Variants in DNER observed in about 807,000 individuals in gnomAD.
DNER encodes the protein delta and Notch-like epidermal growth factor-related receptor.
DNER carries 33 observed loss-of-function variants against 78.2 expected under a neutral mutation model. The ratio of observed to expected loss-of-function variants is 0.42; its 90% CI spans 0.32 to 0.56. The LOEUF (loss-of-function observed/expected upper bound fraction) is 0.56. DNER is among the 20% of genes least tolerant of loss of function. The pLI, the probability that DNER is intolerant of heterozygous loss-of-function variation, is 0.11. For missense variants in DNER, 918 were observed against 975.3 expected (o/e 0.94, Z 0.78); for synonymous variants, 417 against 384.8 (o/e 1.08, Z -0.98).
intron 8 of DNER, among the ~76,000 whole-genome samples, chr2:229,437,172 G>A (rs1044949036): frequency 7.9e-5 from 12 of 152,192 alleles, no homozygotes; most frequent in Admixed American, 3.3e-4. Flanking sequence ...AGAGAGCATT[G>A]AGGCACTGCA....
At chr2:229,565,761 C>T (rs1162881764) in intron 4 of DNER, among the ~76,000 whole-genome samples, 1 of 152,098 alleles carries the variant, frequency 6.6e-6, no homozygotes, top group African/African-American at 2.4e-5. Flanking sequence ...TTCTGAATAC[C>T]CATTGGTAGA....
chr2:229,638,749 A>T (rs1305675715), intron 1 of DNER, among the ~76,000 whole-genome samples: 1 of 152,256 alleles, frequency 6.6e-6, no homozygotes, highest in Non-Finnish European at 1.5e-5. Context: ...CAAAATAAAA[A>T]TATTACTTAG....
At chr2:229,698,602 T>A (rs1699696828) in intron 1 of DNER, among the ~76,000 whole-genome samples, 1 of 152,134 alleles carries the variant, frequency 6.6e-6, no homozygotes, top group Admixed American at 6.5e-5. Flanking sequence ...CGCTGTTAAG[T>A]TTGAACGTAA....
chr2:229,476,411 T>G (rs2154211301), intron 7 of DNER, among the ~76,000 whole-genome samples: 1 of 152,264 alleles, frequency 6.6e-6, no homozygotes, highest in Middle Eastern at 3.4e-3. Flanking sequence ...AGATACTTCC[T>G]TAGGTTCTCA....
In DNER at chr2:229,514,854, A is replaced by G. The variant is rs145907333; in HGVS notation, c.994-1918T>C. ...GGCCAGACAACAGGATATGACATTT[A>G]GCTCGACCAAACTGCCAAATTGTAT... On this transcript the variant is annotated intron_variant, in intron 5 of 12. Coordinates refer to ENST00000341772, the MANE Select transcript of DNER (RefSeq NM_139072.4). 6.2e-4 allele frequency among the ~76,000 whole-genome samples: 95 copies of G among 152,340 alleles called. 2 individuals are homozygous for G. Among genetic ancestry groups the G allele is most frequent in the African/African-American group, 2.2e-3 (91 of 41,576 alleles).
At chr2:229,454,800 A>C (rs1309098524) in intron 7 of DNER, among the ~76,000 whole-genome samples, 1 of 152,204 alleles carries the variant, frequency 6.6e-6, no homozygotes, top group Non-Finnish European at 1.5e-5. Flanking sequence ...ACTAATACTT[A>C]ATATTTTCAG....
chr2:229,407,094 A>C (rs1693404425), intron 10 of DNER, 138 bp downstream of exon 10: 2 of 743,732 alleles, frequency 2.7e-6, no homozygotes, highest in South Asian at 3.6e-5. Flanking sequence ...ATCTTCATCC[A>C]AGCCATGCCT....
intron 5 of DNER, among the ~76,000 whole-genome samples, chr2:229,544,999 C>T (rs1332394331): frequency 1.3e-5 from 2 of 152,202 alleles, no homozygotes; most frequent in Non-Finnish European, 2.9e-5. Flanking sequence ...CTGACGTTCT[C>T]ACAAGAAGGC....
chr2:229,384,765 A>G (rs968797589), intron 11 of DNER, among the ~76,000 whole-genome samples: 1 of 152,184 alleles, frequency 6.6e-6, no homozygotes, highest in African/African-American at 2.4e-5. Context: ...TGAGGAAGTA[A>G]TTAATAGCCT....
At chr2:229,580,501 T>C (rs1016460815) in intron 4 of DNER, among the ~76,000 whole-genome samples, 1 of 151,876 alleles carries the variant, frequency 6.6e-6, no homozygotes, top group African/African-American at 2.4e-5. Flanking sequence ...ATAAAAGGGA[T>C]TGAAAAAATA....
intron 1 of DNER, among the ~76,000 whole-genome samples, chr2:229,614,501 C>T (rs1698115899): frequency 6.6e-6 from 1 of 152,216 alleles, no homozygotes; most frequent in African/African-American, 2.4e-5. Context: ...GCCTTAACTC[C>T]ATCCTCCTTC....
rs1007843399 is a variant in DNER, at chr2:229,507,316, T to C, written c.1147+5467A>G. 5.9e-5 allele frequency among the ~76,000 whole-genome samples: 9 copies of C among 151,754 alleles called. 1 individual carries two copies. The highest frequency in any genetic ancestry group is 5.2e-4 in the Admixed American group (8 of 15,278). On this transcript the variant is annotated intron_variant, in intron 6 of 12. Transcript: ENST00000341772. ...GACTATACTTCTATTATTGTTACTG[T>C]TGTACATGTACATGTACATGACTAT...
chr2:229,688,025 C>G (rs1262021517), intron 1 of DNER, among the ~76,000 whole-genome samples: 1 of 152,212 alleles, frequency 6.6e-6, no homozygotes, highest in Non-Finnish European at 1.5e-5. Flanking sequence ...AAACCCACAT[C>G]AGCAAACAGG....
intron 1 of DNER, among the ~76,000 whole-genome samples, chr2:229,663,064 G>A (rs1341494383): frequency 1.3e-5 from 2 of 152,166 alleles, no homozygotes; most frequent in Admixed American, 1.3e-4. Flanking sequence ...TTTGCCCCAA[G>A]TAGATGCTTG....
chr2:229,624,028 C>T (rs1164669839), intron 1 of DNER, among the ~76,000 whole-genome samples: 3 of 152,292 alleles, frequency 2.0e-5, no homozygotes, highest in South Asian at 4.1e-4. Flanking sequence ...CTTTAAAAGT[C>T]TTAAAATCCA....
intron 5 of DNER, among the ~76,000 whole-genome samples, chr2:229,529,770 A>G (rs13404359): frequency 0.027 from 4,089 of 152,334 alleles, 185 homozygotes; most frequent in African/African-American, 0.093. Context: ...CACTCTGAGA[A>G]GCCAAGGCAG....
chr2:229,711,892 G>T (rs1308135306), intron 1 of DNER, among the ~76,000 whole-genome samples: 10 of 148,502 alleles, frequency 6.7e-5, no homozygotes, highest in African/African-American at 2.5e-4. Flanking sequence ...TTCTGAAATT[G>T]TCTTTTGTGT....
At chr2:229,387,575 A>AGAAG (rs1207990617) in intron 11 of DNER, among the ~76,000 whole-genome samples, 1 of 150,630 alleles carries the variant, frequency 6.6e-6, no homozygotes, top group Non-Finnish European at 1.5e-5. Flanking sequence ...AAGAAAAGAA[A>AGAAG]GAAGGAAGGA....
chr2:229,610,258 G>A (rs1698021161), intron 1 of DNER, among the ~76,000 whole-genome samples: 1 of 152,168 alleles, frequency 6.6e-6, no homozygotes, highest in Admixed American at 6.5e-5. Context: ...AGCATTTGTG[G>A]CCCACTGTGT....
Sources: allele counts gnomAD v4.1 joint callset (sites outside exome capture counted in the v4.1 genomes callset), GRCh38; gene constraint gnomAD v4.1.1; transcripts MANE v1.5; gene names NCBI Gene and HGNC (gene_info 2026-07-23, HGNC 2026-07-21).